PCDH17: variants seen among roughly 807,000 people sequenced by gnomAD.
PCDH17 encodes protocadherin 17.
A neutral mutation model predicts 67.7 loss-of-function variants in PCDH17; 21 were observed. That is an observed-to-expected ratio of 0.31 (90% CI 0.22 to 0.45). The LOEUF (loss-of-function observed/expected upper bound fraction) is 0.45. Ranked by LOEUF, PCDH17 falls within the 20% of genes least tolerant of loss-of-function variation. The pLI, the probability that PCDH17 is intolerant of heterozygous loss-of-function variation, is 1.00. For synonymous variants in PCDH17, 701 were observed against 656.7 expected, an observed-to-expected ratio of 1.07 and a Z score of -1.03; for missense variants, 1,471 against 1,564.8, an observed-to-expected ratio of 0.94 and a Z score of 1.01.
At chr13:57,650,733 T>G (rs1231851883) in intron 1 of PCDH17, among the ~76,000 whole-genome samples, 1 of 152,144 alleles carries the variant, frequency 6.6e-6, no homozygotes, top group Non-Finnish European at 1.5e-5. Context: ...TAAGAAGTCA[T>G]TACATAATTG....
intron 3 of PCDH17, among the ~76,000 whole-genome samples, 158 bp from the exon 4 acceptor site, chr13:57,724,454 A>G (rs1358384216): frequency 6.6e-6 from 1 of 152,232 alleles, no homozygotes; most frequent in Non-Finnish European, 1.5e-5. Flanking sequence ...CAGCAGGTTT[A>G]TGCAACCATC....
At chr13:57,693,671 A>C (rs1323240393) in intron 3 of PCDH17, among the ~76,000 whole-genome samples, 1 of 150,858 alleles carries the variant, frequency 6.6e-6, no homozygotes, top group African/African-American at 2.4e-5. Context: ...TCAGCTACAC[A>C]GATCTCTTTT....
In PCDH17 at chr13:57,632,727, T is replaced by C. The variant is rs781715885; in HGVS notation, c.181T>C (p.Ser61Pro). The change falls in exon 1 of 4, where the codon TCG becomes CCG. Residue 61 changes from serine to proline, a missense_variant. This residue lies in a region of PCDH17 where 1,163 missense variants were observed against 1,230.0 expected (regional missense o/e 0.95). Coordinates refer to ENST00000377918, the MANE Select transcript of PCDH17 (RefSeq NM_001040429.3). Reference sequence around the variant, plus strand: ...GCGCGGCGGCGGAGGGCGCAGCAAGTCGGGTAGCTACCGGGTGCTGGAGAA... The same window carrying C: ...GCGCGGCGGCGGAGGGCGCAGCAAGCCGGGTAGCTACCGGGTGCTGGAGAA... The part of the protein sequence containing the change: ...AERGGGGRSK[S>P]GSYRVLENSA... 1.5e-5 allele frequency: 24 copies of C among 1,611,766 alleles called. No individual in the cohort carries two copies. In the East Asian group the frequency reaches 4.7e-4, roughly 31 times the overall value.
intron 1 of PCDH17, among the ~76,000 whole-genome samples, chr13:57,646,134 A>G (rs781096479): frequency 5.9e-5 from 9 of 151,642 alleles, no homozygotes; most frequent in Non-Finnish European, 8.9e-5. Flanking sequence ...AAATAAAAAT[A>G]TGGTTGGAAA....
chr13:57,669,856 A>G (rs182313780), intron 3 of PCDH17, among the ~76,000 whole-genome samples: 1 of 152,174 alleles, frequency 6.6e-6, no homozygotes, highest in African/African-American at 2.4e-5. Context: ...TTGAATAAAC[A>G]TCAGAGTAAG....
Position 57,633,958 on chromosome 13 carries a change from G to A in PCDH17, c.1412G>A (p.Arg471Gln). The A allele has an allele frequency of 2.5e-6, 4 of 1,613,544 alleles. No homozygotes were observed. The highest frequency in any genetic ancestry group is 3.4e-6 in the Non-Finnish European group (4 of 1,180,022). Residue 471 changes from arginine to glutamine, a missense_variant, in exon 1 of 4, where the codon CGG (arginine) becomes CAG (glutamine). This residue lies in a region of PCDH17 where 1,163 missense variants were observed against 1,230.0 expected (regional missense o/e 0.95). Coordinates refer to ENST00000377918, the MANE Select transcript of PCDH17 (RefSeq NM_001040429.3). The surrounding 1 kb of genome is among the most constrained non-coding windows in gnomAD (Gnocchi z 6.2). ...CTAGACGAGAACGACAACCCGCCTC[G>A]GTTCACCAAAGGGCTCTACGTGCTT... is the stretch of plus-strand genomic sequence containing the variant. ...KILDENDNPP[R>Q]FTKGLYVLQV...
At position 57,703,279 on chromosome 13, in the gene PCDH17, A is replaced by T. The variant is rs186566912; in HGVS notation, c.2798-21333A>T. Among the ~76,000 whole-genome samples, 567 of 152,236 alleles carry T rather than the reference A, an allele frequency of 3.7e-3. 7 individuals carry two copies. The highest frequency in any genetic ancestry group is 0.013 in the African/African-American group (542 of 41,552). On this transcript the variant is annotated intron_variant, in intron 3 of 3. Transcript: ENST00000377918. ...ATATGAACTGCTTGGCATTCAAAAA[A>T]TTTTTTTGAGAGAGGAAAACTTATA... is the stretch of plus-strand genomic sequence containing the variant.
At chr13:57,696,435 G>A (rs1389264210) in intron 3 of PCDH17, among the ~76,000 whole-genome samples, 1 of 150,914 alleles carries the variant, frequency 6.6e-6, no homozygotes, top group Admixed American at 6.6e-5. Context: ...AATGTGTAGA[G>A]AAATATAATA....
chr13:57,705,734 G>A lies in PCDH17; in HGVS notation c.2798-18878G>A, dbSNP rs1955715461. Among the ~76,000 whole-genome samples the A allele has an allele frequency of 2.6e-5, 4 of 152,222 alleles. No individual in the cohort carries two copies. The South Asian group carries it at 8.3e-4, about 32-fold the overall frequency. ...CAGTTTTAAAAAATAAGCAAAAATA[G>A]GGTAGGCACAGTGGCTCACCCCTGT... On this transcript the variant is annotated intron_variant, in intron 3 of 3. Coordinates refer to ENST00000377918, the MANE Select transcript of PCDH17 (RefSeq NM_001040429.3).
rs1201852213 is a variant in PCDH17 at position 57,727,373 on chromosome 13, A to G, written c.*2079A>G. ...GCAAAAATGTCATAAAAATTCTTAT[A>G]TTTAAAACAAAAACAAAAGCAAAAA... On this transcript the variant is annotated 3_prime_UTR_variant, in exon 4 of 4. Coordinates refer to ENST00000377918, the MANE Select transcript of PCDH17 (RefSeq NM_001040429.3). The G allele has an allele frequency of 6.6e-6, 1 of 152,622 alleles. No homozygotes were observed. Among genetic ancestry groups the G allele is most frequent in the Non-Finnish European group, 1.5e-5 (1 of 68,016 alleles). The allele number at this position is 152,622 out of a possible 1,614,324, so 9.5% of individuals were successfully genotyped here.
At chr13:57,640,666 G>A (rs754030441) in intron 1 of PCDH17, among the ~76,000 whole-genome samples, 1 of 152,000 alleles carries the variant, frequency 6.6e-6, no homozygotes, top group Non-Finnish European at 1.5e-5. Flanking sequence ...CTATGTAGAC[G>A]AAGAGAAACA....
At chr13:57,714,059 T>G (rs1160618970) in intron 3 of PCDH17, among the ~76,000 whole-genome samples, 1 of 151,594 alleles carries the variant, frequency 6.6e-6, no homozygotes, top group Non-Finnish European at 1.5e-5. Context: ...AGAATGTCAT[T>G]AAAAATATTA....
chr13:57,702,560 C>T (rs1357596624), intron 3 of PCDH17, among the ~76,000 whole-genome samples: 1 of 152,152 alleles, frequency 6.6e-6, no homozygotes, highest in East Asian at 1.9e-4. Context: ...CCCCAATGTT[C>T]TAACTGCCAG....
chr13:57,661,267 CTCT>C lies in PCDH17; in HGVS notation c.2566-5198_2566-5196del, dbSNP rs375169223. 7.3e-4 allele frequency among the ~76,000 whole-genome samples: 111 copies of C among 152,170 alleles called. 1 individual carries two copies. Among genetic ancestry groups the C allele is most frequent in the African/African-American group, 2.5e-3 (103 of 41,530 alleles). On this transcript the variant is annotated intron_variant, in intron 1 of 3. Coordinates refer to ENST00000377918, the MANE Select transcript of PCDH17 (RefSeq NM_001040429.3). ...CCTAATTGCAGCTTATAGTAAATCT[CTCT>C]TCATGTGCTTTTGTACCATCAATAT...
At chr13:57,696,391 G>C (rs1183768915) in intron 3 of PCDH17, among the ~76,000 whole-genome samples, 1 of 151,100 alleles carries the variant, frequency 6.6e-6, no homozygotes, top group Admixed American at 6.6e-5. Context: ...AATTAATTAT[G>C]TTTTATTCCC....
chr13:57,680,155 A>AT (rs1467078930), intron 3 of PCDH17, among the ~76,000 whole-genome samples: 3 of 146,534 alleles, frequency 2.0e-5, no homozygotes, highest in Non-Finnish European at 3.0e-5. Context: ...TATATATATA[A>AT]ATATGTATGT....
intron 3 of PCDH17, among the ~76,000 whole-genome samples, chr13:57,685,553 T>C (rs1028640908): frequency 6.6e-6 from 1 of 152,038 alleles, no homozygotes; most frequent in Non-Finnish European, 1.5e-5. Context: ...GATATTGTGC[T>C]AGTTATGAAT....
At chr13:57,670,509 A>T (rs1219272870) in intron 3 of PCDH17, among the ~76,000 whole-genome samples, 1 of 151,020 alleles carries the variant, frequency 6.6e-6, no homozygotes, top group Non-Finnish European at 1.5e-5. Context: ...CCTTACACAG[A>T]TTTCAATTAA....
At chr13:57,705,617 A>G (rs965896402) in intron 3 of PCDH17, among the ~76,000 whole-genome samples, 4 of 152,164 alleles carry the variant, frequency 2.6e-5, no homozygotes, top group South Asian at 4.1e-4. Flanking sequence ...TGGAAATTTT[A>G]AGTAAATTTA....
Sources: allele counts gnomAD v4.1 joint callset (sites outside exome capture counted in the v4.1 genomes callset), GRCh38; gene constraint gnomAD v4.1.1; regional missense constraint gnomAD v4.1.1; non-coding constraint Gnocchi (gnomAD v3.1); transcripts MANE v1.5; gene names NCBI Gene and HGNC (gene_info 2026-07-23, HGNC 2026-07-21).